KIFAP3: variants seen among roughly 807,000 people sequenced by gnomAD.
The protein encoded by KIFAP3 is kinesin associated protein 3.
Under a neutral mutation model 106.5 loss-of-function variants are expected in KIFAP3, and 68 were observed. The ratio of observed to expected loss-of-function variants is 0.64; its 90% confidence interval spans 0.53 to 0.78. The LOEUF (loss-of-function observed/expected upper bound fraction) is 0.78, where lower values mean the gene tolerates loss of function less well. Ranked by LOEUF, KIFAP3 falls within the 30% of genes least tolerant of loss-of-function variation. The pLI is 0.00. For synonymous variants in KIFAP3, 320 were observed against 311.5 expected (o/e 1.03, Z -0.29); for missense variants, 780 against 941.8 (o/e 0.83, Z 2.25).
At chr1:170,026,097 T>G (rs1669088642) in intron 8 of KIFAP3, among the ~76,000 whole-genome samples, 1 of 152,062 alleles carries the variant, frequency 6.6e-6, no homozygotes, top group Non-Finnish European at 1.5e-5. Flanking sequence ...ACTGGAGTGA[T>G]GTAGCTAAAA....
At chr1:170,063,316 A>T (rs1671277904) in intron 1 of KIFAP3, among the ~76,000 whole-genome samples, 1 of 152,190 alleles carries the variant, frequency 6.6e-6, no homozygotes, top group South Asian at 2.1e-4. Context: ...TGTATTCTGG[A>T]CACTGACTGA....
At chr1:170,082,885 A>C (rs1398169430) in intron 1 of KIFAP3, among the ~76,000 whole-genome samples, 1 of 152,188 alleles carries the variant, frequency 6.6e-6, no homozygotes, top group Non-Finnish European at 1.5e-5. Flanking sequence ...AGGCATGAGA[A>C]TCGCCTGAAC....
At chr1:170,064,681 A>G (rs552003789) in intron 1 of KIFAP3, among the ~76,000 whole-genome samples, 51 of 152,336 alleles carry the variant, frequency 3.3e-4, no homozygotes, top group Admixed American at 1.0e-3. Flanking sequence ...TGTTTATATC[A>G]TAATTCCCTT....
intron 2 of KIFAP3, among the ~76,000 whole-genome samples, chr1:170,051,724 C>A (rs995831021): frequency 8.5e-5 from 13 of 152,154 alleles, no homozygotes; most frequent in African/African-American, 3.1e-4. Context: ...GGAAACTGAA[C>A]AACCTGGTCC....
chr1:170,040,778 A>G (rs1669933982), intron 3 of KIFAP3, among the ~76,000 whole-genome samples: 1 of 151,804 alleles, frequency 6.6e-6, no homozygotes, highest in South Asian at 2.1e-4. Context: ...GTAGTACTTA[A>G]CTGAATGCCA....
At chr1:169,928,677 AGAGT>A (rs1488823258) in intron 19 of KIFAP3, among the ~76,000 whole-genome samples, 1 of 111,412 alleles carries the variant, frequency 9.0e-6, no homozygotes. Context: ...CCTGGGCAAC[AGAGT>A]GAGTGAGACC....
intron 11 of KIFAP3, among the ~76,000 whole-genome samples, chr1:169,991,508 T>A (rs1203497587): frequency 6.6e-6 from 1 of 152,124 alleles, no homozygotes; most frequent in Non-Finnish European, 1.5e-5. Flanking sequence ...AGAAGAACAA[T>A]AATATCCAGT....
At chr1:170,006,549 G>A (rs1667973644) in intron 10 of KIFAP3, among the ~76,000 whole-genome samples, 1 of 152,094 alleles carries the variant, frequency 6.6e-6, no homozygotes, top group Non-Finnish European at 1.5e-5. Context: ...GTACTATGGG[G>A]TAGCAGCTAT....
chr1:169,934,039 T>C (rs966746218), intron 19 of KIFAP3, among the ~76,000 whole-genome samples: 2 of 152,136 alleles, frequency 1.3e-5, no homozygotes, highest in African/African-American at 4.8e-5. Flanking sequence ...ATATAGTATG[T>C]ATTTGGTGGT....
At chr1:169,930,020 T>G (rs1663375687) in intron 19 of KIFAP3, among the ~76,000 whole-genome samples, 1 of 152,202 alleles carries the variant, frequency 6.6e-6, no homozygotes, top group East Asian at 1.9e-4. Context: ...TCCATTTCAT[T>G]GACTCTCCTC....
At position 169,927,342 on chromosome 1, in the gene KIFAP3, C is replaced by T. The variant is rs546318378; in HGVS notation, c.2274-5561G>A. ...ATGGAAGAAATATTCTGATAATAAC[C>T]TGATGTCATCCTACTGTAGCATATG... is the stretch of plus-strand genomic sequence containing the variant. On this transcript the variant is annotated intron_variant, in intron 19 of 19. Transcript: ENST00000361580. 1.4e-4 allele frequency among the ~76,000 whole-genome samples: 22 copies of T among 152,218 alleles called. No homozygotes were observed. In the East Asian group the frequency reaches 4.0e-3, roughly 28 times the overall value.
intron 1 of KIFAP3, among the ~76,000 whole-genome samples, chr1:170,057,019 G>A (rs1670886751): frequency 6.6e-6 from 1 of 152,030 alleles, no homozygotes; most frequent in South Asian, 2.1e-4. Context: ...AAGATCTAAG[G>A]AAAGCTGAAA....
chr1:170,041,657 G>C (rs1669986460), intron 3 of KIFAP3: 1 of 1,527,150 alleles, frequency 6.5e-7, no homozygotes, highest in African/African-American at 1.4e-5. Flanking sequence ...TGCCTCCCTT[G>C]CCAGCAAGGC....
intron 11 of KIFAP3, among the ~76,000 whole-genome samples, chr1:169,987,564 T>G (rs771429178): frequency 5.3e-5 from 8 of 152,028 alleles, no homozygotes; most frequent in Non-Finnish European, 1.0e-4. Flanking sequence ...CTGTTTGAAG[T>G]GATGCTCTGG....
At chr1:170,051,713 T>C (rs1481672975) in intron 2 of KIFAP3, among the ~76,000 whole-genome samples, 1 of 152,086 alleles carries the variant, frequency 6.6e-6, no homozygotes, top group Non-Finnish European at 1.5e-5. Flanking sequence ...CATAACTACA[T>C]GGAAACTGAA....
At chr1:169,981,413 A>C (rs1297856291) in intron 15 of KIFAP3, among the ~76,000 whole-genome samples, 1 of 152,188 alleles carries the variant, frequency 6.6e-6, no homozygotes, top group Non-Finnish European at 1.5e-5. Flanking sequence ...TATCAGGTCC[A>C]CTAGCATAGT....
chr1:169,984,801 T>C, intron 11 of KIFAP3, 111 bp from the exon 12 acceptor site: 1 of 566,888 alleles, frequency 1.8e-6, no homozygotes, highest in Non-Finnish European at 3.2e-6. Flanking sequence ...TTGGGCATAA[T>C]ATAATTATTT....
At chr1:170,074,386 C>T (rs762098214) in intron 1 of KIFAP3, 50 bp downstream of exon 1, 2 of 1,606,300 alleles carry the variant, frequency 1.2e-6, no homozygotes, top group Non-Finnish European at 1.7e-6. Flanking sequence ...CCAAGAACAT[C>T]TTCAGGGCCC....
chr1:170,001,500 G>A (rs528671654), intron 10 of KIFAP3, among the ~76,000 whole-genome samples: 4 of 152,216 alleles, frequency 2.6e-5, no homozygotes, highest in Admixed American at 6.5e-5. Flanking sequence ...CCCTGACGGC[G>A]AGACATGTGC....
Sources: gnomAD v4.1 joint callset for allele counts (sites outside exome capture counted in the v4.1 genomes callset) on GRCh38, gnomAD v4.1.1 for gene constraint, MANE v1.5 for transcripts, NCBI Gene and HGNC (gene_info 2026-07-23, HGNC 2026-07-21) for gene names.